LRRTM4: variants seen among roughly 807,000 people sequenced by gnomAD.
The protein encoded by LRRTM4 is leucine-rich repeat transmembrane neuronal protein 4.
LRRTM4 carries 25 observed loss-of-function variants against 47.6 expected under a neutral mutation model. The ratio of observed to expected loss-of-function variants is 0.53; its 90% CI spans 0.38 to 0.73. The LOEUF (loss-of-function observed/expected upper bound fraction) is 0.73, where lower values mean the gene tolerates loss of function less well. LRRTM4 is among the 30% of genes least tolerant of loss of function. LRRTM4 has a pLI of 0.00. For missense variants in LRRTM4, 638 were observed against 713.4 expected (o/e 0.89, Z 1.20); for synonymous variants, 311 against 269.5 (o/e 1.15, Z -1.51).
chr2:77,424,391 T>G (rs1412743872), intron 3 of LRRTM4, among the ~76,000 whole-genome samples: 1 of 152,074 alleles, frequency 6.6e-6, no homozygotes, highest in African/African-American at 2.4e-5. Context: ...TTCCTACTTT[T>G]TGGCATTCGC....
intron 3 of LRRTM4, among the ~76,000 whole-genome samples, chr2:77,094,347 C>T (rs1456236806): frequency 6.6e-6 from 1 of 151,708 alleles, no homozygotes; most frequent in Non-Finnish European, 1.5e-5. Flanking sequence ...GTTAAAATGT[C>T]TATAATTTCA....
At chr2:77,263,922 C>T (rs1304527086) in intron 3 of LRRTM4, among the ~76,000 whole-genome samples, 1 of 151,828 alleles carries the variant, frequency 6.6e-6, no homozygotes, top group Non-Finnish European at 1.5e-5. Context: ...ATACCTTTTC[C>T]TGATGGTGTC....
At chr2:77,157,807 T>C (rs1672599593) in intron 3 of LRRTM4, among the ~76,000 whole-genome samples, 2 of 152,094 alleles carry the variant, frequency 1.3e-5, no homozygotes, top group Non-Finnish European at 2.9e-5. Flanking sequence ...CTAGATGCAA[T>C]GGGCTATTTG....
Position 77,463,214 on chromosome 2 carries a change from G to A in LRRTM4, c.1551+55104C>T, listed in dbSNP as rs114487584. 9.4e-3 allele frequency among the ~76,000 whole-genome samples: 1,430 copies of A among 151,880 alleles called. 23 individuals are homozygous for A. The highest frequency in any genetic ancestry group is 0.031 in the African/African-American group (1,266 of 41,404). On this transcript the variant is annotated intron_variant, in intron 3 of 3. Transcript: ENST00000409884. ...TATGTTACTGTACTAAACACTATAG[G>A]CAATTTTAACACAATGGTAAGCACT...
chr2:77,393,329 G>T (rs1454694294), intron 3 of LRRTM4, among the ~76,000 whole-genome samples: 1 of 151,912 alleles, frequency 6.6e-6, no homozygotes, highest in Non-Finnish European at 1.5e-5. Flanking sequence ...AAAGACAATT[G>T]CAGTCCTATT....
At chr2:77,356,337 A>T (rs1671968044) in intron 3 of LRRTM4, among the ~76,000 whole-genome samples, 1 of 152,198 alleles carries the variant, frequency 6.6e-6, no homozygotes, top group African/African-American at 2.4e-5. Context: ...AGTATCTACT[A>T]GTGTGATGGT....
chr2:77,300,554 A>G (rs137976022), intron 3 of LRRTM4, among the ~76,000 whole-genome samples: 102 of 152,282 alleles, frequency 6.7e-4, no homozygotes, highest in Middle Eastern at 6.8e-3. Context: ...AAAAAGTTAT[A>G]ACAAGTATAC....
At chr2:77,134,511 G>A (rs1342155841) in intron 3 of LRRTM4, among the ~76,000 whole-genome samples, 1 of 152,052 alleles carries the variant, frequency 6.6e-6, no homozygotes, top group Non-Finnish European at 1.5e-5. Flanking sequence ...CTCTATTTAT[G>A]GATTTAGTTT....
intron 3 of LRRTM4, among the ~76,000 whole-genome samples, chr2:76,799,786 CA>C (rs1429190514): frequency 7.2e-6 from 1 of 138,752 alleles, no homozygotes; most frequent in East Asian, 2.2e-4. Context: ...ACAAAAATCA[CA>C]AGCATTCTTA....
chr2:77,348,894 A>T (rs1416787695), intron 3 of LRRTM4, among the ~76,000 whole-genome samples: 2 of 151,900 alleles, frequency 1.3e-5, no homozygotes, highest in African/African-American at 2.4e-5. Context: ...TTAATGAGAA[A>T]ATTAAATGAA....
chr2:77,350,139 G>A (rs961685552), intron 3 of LRRTM4, among the ~76,000 whole-genome samples: 28 of 150,320 alleles, frequency 1.9e-4, no homozygotes, highest in Non-Finnish European at 3.1e-4. Context: ...TGGCTAACAA[G>A]GTGAAACCCC....
chr2:77,203,788 G>GA (rs1209359704), intron 3 of LRRTM4, among the ~76,000 whole-genome samples: 1 of 152,146 alleles, frequency 6.6e-6, no homozygotes, highest in Non-Finnish European at 1.5e-5. Context: ...TCTGTGTCAA[G>GA]AAACTTTTTG....
At chr2:76,951,115 T>C (rs568585059) in intron 3 of LRRTM4, among the ~76,000 whole-genome samples, 5 of 151,342 alleles carry the variant, frequency 3.3e-5, no homozygotes, top group East Asian at 3.9e-4. Flanking sequence ...AAATGATAGA[T>C]TGGCTGCTCT....
chr2:77,414,333 G>A (rs1388876682), intron 3 of LRRTM4, among the ~76,000 whole-genome samples: 1 of 152,110 alleles, frequency 6.6e-6, no homozygotes. Context: ...TACACAGAGA[G>A]TTGTAATTTA....
Position 77,260,792 on chromosome 2 carries a change from T to C in LRRTM4, c.1551+257526A>G, listed in dbSNP as rs1675899773. 3.3e-5 allele frequency among the ~76,000 whole-genome samples: 5 copies of C among 152,154 alleles called. No homozygotes were observed. In the South Asian group the frequency reaches 1.0e-3, roughly 32 times the overall value. On this transcript the variant is annotated intron_variant, in intron 3 of 3. Transcript: ENST00000409884. ...AGAAGGCAAGAGAACAATCTCCTTA[T>C]GAAAACAAAGTCACGCCGAGCCTGA...
chr2:76,846,789 A>G (rs1010762640), intron 3 of LRRTM4, among the ~76,000 whole-genome samples: 2 of 152,214 alleles, frequency 1.3e-5, no homozygotes, highest in African/African-American at 4.8e-5. Context: ...CTTTGTATTT[A>G]GGAATGGCAA....
Position 76,777,147 on chromosome 2 carries a change from T to C in LRRTM4, c.1552-28231A>G. On this transcript the variant is annotated intron_variant, in intron 3 of 3. Transcript: ENST00000409884. ...CTGTTTTGGTACCAGTACCATGCTG[T>C]TTTGGTTACTGTAGCCTTGCAGTAT... Among the ~76,000 whole-genome samples the C allele has an allele frequency of 1.3e-5, 2 of 150,304 alleles. 1 individual carries two copies. The highest frequency in any genetic ancestry group is 3.0e-5 in the Non-Finnish European group (2 of 67,684).
At chr2:77,216,186 C>G (rs1012629823) in intron 3 of LRRTM4, among the ~76,000 whole-genome samples, 9 of 152,108 alleles carry the variant, frequency 5.9e-5, no homozygotes, top group African/African-American at 2.2e-4. Flanking sequence ...ATCTTCTGGA[C>G]AGTCAGGTGA....
At chr2:77,446,048 G>T (rs970416735) in intron 3 of LRRTM4, among the ~76,000 whole-genome samples, 2 of 152,000 alleles carry the variant, frequency 1.3e-5, no homozygotes, top group Non-Finnish European at 2.9e-5. Context: ...GTTGGGGACT[G>T]ATAGGTTATA....
Sources: gnomAD v4.1 joint callset for allele counts (sites outside exome capture counted in the v4.1 genomes callset) on GRCh38, gnomAD v4.1.1 for gene constraint, MANE v1.5 for transcripts, NCBI Gene and HGNC (gene_info 2026-07-23, HGNC 2026-07-21) for gene names.